The following GPC6 variants were observed in gnomAD, a reference collection of about 807,000 sequenced individuals.
GPC6 encodes glypican-6.
In GPC6, 14 loss-of-function variants were observed where a neutral mutation model predicts 55.2. That is an observed-to-expected ratio of 0.25 (90% CI 0.17 to 0.40). GPC6 has a LOEUF of 0.40. Ranked by LOEUF, GPC6 falls within the 10% of genes least tolerant of loss-of-function variation. GPC6 has a pLI of 1.00. For synonymous variants in GPC6, 278 were observed against 259.6 expected (o/e 1.07, Z -0.68); for missense variants, 641 against 708.5 (o/e 0.90, Z 1.08).
chr13:93,781,746 A>ATATGT (rs1885659399), intron 2 of GPC6, among the ~76,000 whole-genome samples: 1 of 152,158 alleles, frequency 6.6e-6, no homozygotes, highest in Non-Finnish European at 1.5e-5. Flanking sequence ...AAAATATTTT[A>ATATGT]TATGTACTTT....
intron 2 of GPC6, among the ~76,000 whole-genome samples, chr13:93,739,575 G>T (rs956848293): frequency 1.3e-5 from 2 of 151,876 alleles, no homozygotes; most frequent in African/African-American, 2.4e-5. Flanking sequence ...GACTACAGGC[G>T]CCTGCCACCA....
chr13:93,423,960 C>A (rs1408683144), intron 1 of GPC6, among the ~76,000 whole-genome samples: 3 of 152,190 alleles, frequency 2.0e-5, no homozygotes, highest in Non-Finnish European at 1.5e-5. Flanking sequence ...ACTTCCGTAT[C>A]TGGTGGAAAT....
intron 1 of GPC6, among the ~76,000 whole-genome samples, chr13:93,513,468 T>C (rs1204622264): frequency 6.6e-6 from 1 of 152,230 alleles, no homozygotes; most frequent in Non-Finnish European, 1.5e-5. Flanking sequence ...CACCTTATAT[T>C]GTTTGACTAT....
At chr13:93,774,388 A>G (rs1388051869) in intron 2 of GPC6, among the ~76,000 whole-genome samples, 2 of 152,168 alleles carry the variant, frequency 1.3e-5, no homozygotes, top group African/African-American at 2.4e-5. Context: ...GAACACTGGA[A>G]TATTAGGGAC....
At chr13:93,446,192 G>A (rs1877989610) in intron 1 of GPC6, among the ~76,000 whole-genome samples, 2 of 152,040 alleles carry the variant, frequency 1.3e-5, no homozygotes, top group South Asian at 2.1e-4. Context: ...AGAGTATAGG[G>A]ATGTTGTAGC....
intron 3 of GPC6, among the ~76,000 whole-genome samples, chr13:93,926,956 G>T (rs1303471151): frequency 6.6e-6 from 1 of 152,126 alleles, no homozygotes; most frequent in Non-Finnish European, 1.5e-5. Flanking sequence ...AGATTTCACT[G>T]TTGACAAAGA....
chr13:93,995,050 A>C (rs1881474317), intron 3 of GPC6, among the ~76,000 whole-genome samples: 1 of 152,048 alleles, frequency 6.6e-6, no homozygotes, highest in Non-Finnish European at 1.5e-5. Context: ...GGTTGATATA[A>C]TTTTTACTTA....
intron 1 of GPC6, among the ~76,000 whole-genome samples, chr13:93,376,381 AAC>A (rs1874899838): frequency 6.6e-6 from 1 of 152,216 alleles, no homozygotes. Context: ...TAATTTTAAA[AAC>A]ACATTCAGCA....
chr13:93,464,254 C>T (rs368231348), intron 1 of GPC6, among the ~76,000 whole-genome samples: 2 of 152,104 alleles, frequency 1.3e-5, no homozygotes, highest in South Asian at 4.2e-4. Context: ...GTGACAATTG[C>T]CTTAAATAAG....
intron 2 of GPC6, among the ~76,000 whole-genome samples, chr13:93,640,777 T>G: frequency 2.7e-5 from 2 of 75,158 alleles, no homozygotes; most frequent in East Asian, 6.0e-4. Flanking sequence ...CCCACTTTCC[T>G]TCCCTCCCTC....
intron 2 of GPC6, among the ~76,000 whole-genome samples, chr13:93,624,312 T>C (rs1418983494): frequency 6.6e-6 from 1 of 152,148 alleles, no homozygotes; most frequent in Non-Finnish European, 1.5e-5. Context: ...AAATAATCCA[T>C]CTCACAGGAA....
chr13:93,219,259 A>G, the GPC6 span, among the ~76,000 whole-genome samples: 22 of 151,936 alleles, frequency 1.4e-4, no homozygotes, highest in Admixed American at 1.2e-3. Flanking sequence ...ACGCCCAGCT[A>G]ATTTTTGTAT....
intron 2 of GPC6, among the ~76,000 whole-genome samples, chr13:93,733,250 G>A (rs764049353): frequency 3.9e-5 from 6 of 151,996 alleles, no homozygotes; most frequent in Non-Finnish European, 8.8e-5. Flanking sequence ...TCCTGGTTTT[G>A]TAGAAAACCA....
intron 3 of GPC6, among the ~76,000 whole-genome samples, chr13:93,932,613 A>G (rs1488505303): frequency 1.3e-5 from 2 of 152,196 alleles, no homozygotes; most frequent in African/African-American, 4.8e-5. Context: ...TGGGAAAATA[A>G]ATGAAACATC....
intron 1 of GPC6, among the ~76,000 whole-genome samples, chr13:93,337,197 T>G (rs1880076248): frequency 6.6e-6 from 1 of 152,186 alleles, no homozygotes; most frequent in African/African-American, 2.4e-5. Flanking sequence ...TATACCTACT[T>G]GCTGTGAAAT....
Position 93,896,196 on chromosome 13 carries a change from C to T in GPC6, c.711+65651C>T, listed in dbSNP as rs188340624. ...GCTATTATGTGGCCATAAAAATTAA[C>T]TATGATATGCTTTAAGACAGCTTTC... On this transcript the variant is annotated intron_variant, in intron 3 of 8. Coordinates refer to ENST00000377047, the MANE Select transcript of GPC6 (RefSeq NM_005708.5). 4.6e-4 allele frequency among the ~76,000 whole-genome samples: 70 copies of T among 152,004 alleles called. 1 individual carries two copies. Among genetic ancestry groups the T allele is most frequent in the African/African-American group, 1.6e-3 (67 of 41,508 alleles).
Position 94,280,819 on chromosome 13 carries a change from G to T in GPC6, c.878-5530G>T, listed in dbSNP as rs185160327. On this transcript the variant is annotated intron_variant, in intron 4 of 8. Coordinates refer to ENST00000377047, the MANE Select transcript of GPC6 (RefSeq NM_005708.5). Reference sequence around the variant, plus strand: ...GCAAAATTGGGTGCCATGGAATTCTGATACAACAATAAGGTAGATTGTGCT... The same window carrying T: ...GCAAAATTGGGTGCCATGGAATTCTTATACAACAATAAGGTAGATTGTGCT... Among the ~76,000 whole-genome samples the T allele has an allele frequency of 8.5e-5, 13 of 152,082 alleles. No individual in the cohort carries two copies. The East Asian group carries it at 2.5e-3, about 30-fold the overall frequency.
intron 1 of GPC6, among the ~76,000 whole-genome samples, chr13:93,497,413 C>T (rs774547218): frequency 4.6e-5 from 7 of 152,180 alleles, no homozygotes; most frequent in African/African-American, 7.2e-5. Flanking sequence ...GAAGCATCAG[C>T]GCTTCTTACT....
chr13:93,777,352 T>G (rs1273273784), intron 2 of GPC6, among the ~76,000 whole-genome samples: 2 of 152,194 alleles, frequency 1.3e-5, no homozygotes, highest in Non-Finnish European at 2.9e-5. Flanking sequence ...TAAACCCAGC[T>G]AAGCCTTTCC....
Sources: allele counts gnomAD v4.1 joint callset (sites outside exome capture counted in the v4.1 genomes callset), GRCh38; gene constraint gnomAD v4.1.1; transcripts MANE v1.5; gene names NCBI Gene and HGNC (gene_info 2026-07-23, HGNC 2026-07-21).